The following PCDH15 variants were observed in gnomAD, a reference collection of about 807,000 sequenced individuals.
PCDH15 encodes the protein protocadherin related 15.
Under a neutral mutation model 178.5 loss-of-function variants are expected in PCDH15, and 129 were observed. The observed-to-expected ratio is 0.72, with a 90% CI of 0.63 to 0.84. PCDH15 has a LOEUF of 0.84. PCDH15 is among the 40% of genes least tolerant of loss of function. The pLI, the probability that PCDH15 is intolerant of heterozygous loss-of-function variation, is 0.00. For missense variants in PCDH15, 2,230 were observed against 2,099.9 expected (o/e 1.06, Z -1.21); for synonymous variants, 800 against 732.0 (o/e 1.09, Z -1.50).
At chr10:54,430,912 G>T in intron 3 of PCDH15, among the ~76,000 whole-genome samples, 1 of 151,972 alleles carries the variant, frequency 6.6e-6, no homozygotes, top group Non-Finnish European at 1.5e-5. Context: ...AATAAAAGTG[G>T]AGATGAAAAG....
intron 2 of PCDH15, among the ~76,000 whole-genome samples, chr10:55,141,067 ACCT>A (rs1324909255): frequency 1.3e-5 from 2 of 151,742 alleles, no homozygotes; most frequent in Admixed American, 1.3e-4. Flanking sequence ...GGGTTCACCC[ACCT>A]CCTTGAGTCT....
At chr10:53,991,104 G>A (rs1344255958) in intron 21 of PCDH15, among the ~76,000 whole-genome samples, 4 of 152,090 alleles carry the variant, frequency 2.6e-5, no homozygotes, top group Non-Finnish European at 5.9e-5. Flanking sequence ...CACCCCCGTG[G>A]GCTCCCGCGC....
chr10:54,590,915 AG>A (rs1301969027), intron 2 of PCDH15, among the ~76,000 whole-genome samples: 1 of 152,204 alleles, frequency 6.6e-6, no homozygotes, highest in Non-Finnish European at 1.5e-5. Context: ...TCATTTGGGA[AG>A]GGGTCTAAAA....
At chr10:53,819,017 AATTGATTCTTTAAAATGGTTCTGCAGT>A (rs2076161980) in intron 33 of PCDH15, among the ~76,000 whole-genome samples, 1 of 152,040 alleles carries the variant, frequency 6.6e-6, no homozygotes, top group African/African-American at 2.4e-5. Flanking sequence ...TAAGCTTCTC[AATTGATTCTTTAAAATGGTTCTGCAGT>A]GAATTTCGTA....
chr10:55,615,852 C>A (rs1843462221), intron 2 of PCDH15, among the ~76,000 whole-genome samples: 1 of 152,140 alleles, frequency 6.6e-6, no homozygotes, highest in African/African-American at 2.4e-5. Flanking sequence ...GAGCTATGAT[C>A]ATTCCATCGC....
At chr10:55,522,649 T>C (rs1841207847) in intron 2 of PCDH15, among the ~76,000 whole-genome samples, 1 of 151,730 alleles carries the variant, frequency 6.6e-6, no homozygotes, top group African/African-American at 2.4e-5. Context: ...CTCTATTTAG[T>C]TTACCCATTT....
chr10:53,961,711 T>G, intron 22 of PCDH15, 41 bp downstream of exon 22: 1 of 1,452,092 alleles, frequency 6.9e-7, no homozygotes, highest in Non-Finnish European at 9.2e-7. Flanking sequence ...CTATCAAAAA[T>G]TAAACATCAA....
chr10:55,603,568 G>A (rs1299388249), intron 2 of PCDH15, among the ~76,000 whole-genome samples: 1 of 151,948 alleles, frequency 6.6e-6, no homozygotes, highest in Non-Finnish European at 1.5e-5. Context: ...CTACAAGCCA[G>A]AAGAGAGTGG....
At chr10:54,682,512 G>A (rs918624817) in intron 1 of PCDH15, among the ~76,000 whole-genome samples, 6 of 152,016 alleles carry the variant, frequency 3.9e-5, no homozygotes, top group African/African-American at 9.7e-5. Context: ...TCTTTACCAC[G>A]AACAATATGA....
chr10:54,291,729 T>G (rs956120135), intron 8 of PCDH15, among the ~76,000 whole-genome samples: 9 of 152,010 alleles, frequency 5.9e-5, no homozygotes, highest in Admixed American at 3.9e-4. Context: ...AGAAGAAATG[T>G]ATAAATTCCT....
At position 55,186,868 on chromosome 10, in the gene PCDH15, T is replaced by A. The variant is rs185866344; in HGVS notation, c.-155-20217A>T. The stretch of plus-strand genomic sequence containing the variant: ...TGCTTCAGTACTTAGTTGGTAAAAT[T>A]TAAATTCACCAAGCTTATATTTTGG... On this transcript the variant is annotated intron_variant, in intron 1 of 5. Coordinates refer to the PCDH15 transcript ENST00000458638. 3.1e-3 allele frequency among the ~76,000 whole-genome samples: 475 copies of A among 151,934 alleles called. 1 individual carries two copies. The highest frequency in any genetic ancestry group is 0.011 in the African/African-American group (444 of 41,502).
chr10:55,066,964 C>T (rs1485645680), intron 2 of PCDH15, among the ~76,000 whole-genome samples: 1 of 151,830 alleles, frequency 6.6e-6, no homozygotes, highest in African/African-American at 2.4e-5. Context: ...TTGTATACCC[C>T]AAGTGCTCTA....
At chr10:54,698,837 G>A (rs113092486) in intron 1 of PCDH15, among the ~76,000 whole-genome samples, 9 of 152,102 alleles carry the variant, frequency 5.9e-5, no homozygotes, top group African/African-American at 1.9e-4. Flanking sequence ...ATCTTTAGAA[G>A]GCACCATTTT....
At position 54,022,966 on chromosome 10, in the gene PCDH15, C is replaced by T. The variant is rs1291046097; in HGVS notation, c.2452G>A (p.Val818Met). The T allele has an allele frequency of 2.5e-6, 4 of 1,613,782 alleles. No homozygotes were observed. The highest frequency in any genetic ancestry group is 3.3e-5 in the Admixed American group (2 of 59,978). The change falls in exon 19 of 38, where the codon GTG becomes ATG. Residue 818 changes from valine (V) to methionine (M), a missense_variant. Coordinates refer to ENST00000644397, the MANE Select transcript of PCDH15 (RefSeq NM_001384140.1). ...KVLDIDDNSP[V>M]FTNSTYTVLV... ...ACAGTGTATGTTGAATTGGTGAACA[C>T]AGGACTGTTATCATCAATGTCCAAA...
chr10:54,984,086 A>G (rs1209624194), intron 2 of PCDH15, among the ~76,000 whole-genome samples: 1 of 152,182 alleles, frequency 6.6e-6, no homozygotes, highest in African/African-American at 2.4e-5. Context: ...GTCAATTCCT[A>G]TGAAGGGACT....
chr10:55,291,803 T>C (rs993634196), intron 1 of PCDH15, among the ~76,000 whole-genome samples: 2 of 152,146 alleles, frequency 1.3e-5, no homozygotes, highest in Non-Finnish European at 2.9e-5. Context: ...TGGGGAAGTC[T>C]CATGATCATG....
At chr10:54,113,793 T>C (rs1177608947) in intron 15 of PCDH15, among the ~76,000 whole-genome samples, 1 of 152,172 alleles carries the variant, frequency 6.6e-6, no homozygotes, top group Non-Finnish European at 1.5e-5. Flanking sequence ...ATATTTGTAT[T>C]AGTTTTTTTC....
chr10:55,422,231 A>G (rs561890530), intron 2 of PCDH15, among the ~76,000 whole-genome samples: 323 of 151,986 alleles, frequency 2.1e-3, no homozygotes, highest in Non-Finnish European at 4.2e-3. Flanking sequence ...TATTCATTTG[A>G]TAAGAAATGC....
chr10:54,806,342 G>A (rs867019843), intron 3 of PCDH15, among the ~76,000 whole-genome samples: 1 of 152,084 alleles, frequency 6.6e-6, no homozygotes, highest in African/African-American at 2.4e-5. Context: ...GTGAGTCAGA[G>A]GTCCAGATCA....
Sources: allele counts gnomAD v4.1 joint callset (sites outside exome capture counted in the v4.1 genomes callset), GRCh38; gene constraint gnomAD v4.1.1; transcripts MANE v1.5; gene names NCBI Gene and HGNC (gene_info 2026-07-23, HGNC 2026-07-21).